The following RHPN2 variants were observed in gnomAD, a reference collection of about 807,000 sequenced individuals.
RHPN2 encodes the protein rhophilin Rho GTPase binding protein 2.
A neutral mutation model predicts 79.0 loss-of-function variants in RHPN2; 40 were observed. That is an observed-to-expected ratio of 0.51 (90% confidence interval 0.39 to 0.66). The LOEUF (loss-of-function observed/expected upper bound fraction) is 0.66. Ranked by LOEUF, RHPN2 falls within the 30% of genes least tolerant of loss-of-function variation. RHPN2 has a pLI of 0.00. For missense variants in RHPN2, 686 were observed against 883.5 expected, an observed-to-expected ratio of 0.78 and a Z score of 2.83; for synonymous variants, 285 against 363.5, an observed-to-expected ratio of 0.78 and a Z score of 2.46.
At chr19:33,022,455 G>A (rs536122864) in intron 3 of RHPN2, among the ~76,000 whole-genome samples, 2 of 152,144 alleles carry the variant, frequency 1.3e-5, no homozygotes, top group South Asian at 4.1e-4. Flanking sequence ...GGGTTCATAG[G>A]GGCCTCTTCT....
chr19:33,012,527 C>G (rs962171778), intron 5 of RHPN2, 120 bp downstream of exon 5: 3 of 772,258 alleles, frequency 3.9e-6, no homozygotes, highest in Non-Finnish European at 4.8e-6. Flanking sequence ...GATTCCAGCA[C>G]CCCCCAACCA....
intron 3 of RHPN2, among the ~76,000 whole-genome samples, chr19:33,025,535 T>G (rs6510328): frequency 6.6e-6 from 1 of 151,866 alleles, no homozygotes; most frequent in Non-Finnish European, 1.5e-5. Flanking sequence ...TTACTTTAAT[T>G]TGGATTTTTC....
intron 11 of RHPN2, among the ~76,000 whole-genome samples, chr19:32,995,105 C>G (rs1267350772): frequency 6.6e-6 from 1 of 152,106 alleles, no homozygotes; most frequent in African/African-American, 2.4e-5. Flanking sequence ...CAGGGTGTCG[C>G]TCTGTCGCCC....
chr19:33,058,037 A>G (rs1019855081), intron 1 of RHPN2, among the ~76,000 whole-genome samples: 2 of 152,036 alleles, frequency 1.3e-5, no homozygotes, highest in African/African-American at 4.8e-5. Flanking sequence ...GCGGGTGCCT[A>G]TAATCCCAGC....
intron 14 of RHPN2, among the ~76,000 whole-genome samples, chr19:32,989,521 T>G (rs569742614): frequency 6.6e-6 from 1 of 152,372 alleles, no homozygotes; most frequent in African/African-American, 2.4e-5. Flanking sequence ...ACAGAGGGAT[T>G]GTCTTAACTT....
At chr19:33,038,905 G>A (rs932831172) in intron 2 of RHPN2, among the ~76,000 whole-genome samples, 2 of 152,084 alleles carry the variant, frequency 1.3e-5, no homozygotes, top group Admixed American at 6.6e-5. Flanking sequence ...TGATTTGCCC[G>A]CTTCAGCCTC....
chr19:33,058,309 G>A (rs1972250771), intron 1 of RHPN2, among the ~76,000 whole-genome samples: 1 of 152,236 alleles, frequency 6.6e-6, no homozygotes, highest in African/African-American at 2.4e-5. Flanking sequence ...TCAGGGTCTG[G>A]AATGCCCCAG....
chr19:33,043,500 C>T (rs1458094618), intron 2 of RHPN2, among the ~76,000 whole-genome samples: 1 of 152,086 alleles, frequency 6.6e-6, no homozygotes, highest in Non-Finnish European at 1.5e-5. Context: ...TGCAGTGAGC[C>T]GAGATCACGC....
chr19:33,017,493 C>G (rs759658450), intron 4 of RHPN2, among the ~76,000 whole-genome samples: 17 of 152,034 alleles, frequency 1.1e-4, no homozygotes, highest in Non-Finnish European at 2.4e-4. Context: ...TGTTTTGAGT[C>G]CCACAGACCA....
chr19:33,036,830 C>T (rs1416277518), intron 2 of RHPN2, among the ~76,000 whole-genome samples: 3 of 151,670 alleles, frequency 2.0e-5, no homozygotes, highest in South Asian at 4.1e-4. Context: ...GCTGCCTTCC[C>T]GTGGGGCAGG....
At chr19:33,001,159 C>G (rs1394064690) in intron 9 of RHPN2, among the ~76,000 whole-genome samples, 2 of 152,162 alleles carry the variant, frequency 1.3e-5, no homozygotes, top group African/African-American at 4.8e-5. Flanking sequence ...CATGGAAGAG[C>G]TGAGATATGA....
intron 4 of RHPN2, among the ~76,000 whole-genome samples, chr19:33,013,448 G>C (rs1028238700): frequency 6.6e-6 from 1 of 151,412 alleles, no homozygotes; most frequent in African/African-American, 2.4e-5. Context: ...ATCTGCCTCA[G>C]CCTCCCAAAG....
chr19:32,983,629 C>CT (rs558224234), intron 14 of RHPN2, among the ~76,000 whole-genome samples: 2,424 of 126,910 alleles, frequency 0.019, 83 homozygotes, highest in African/African-American at 0.046. Context: ...TTTTAAAAGC[C>CT]TTTTTTTTTT....
chr19:32,994,043 C>A lies in RHPN2; in HGVS notation c.1431G>T (p.Glu477Asp). 6.2e-7 allele frequency: 1 copy of A among 1,611,318 alleles called. No individual in the cohort carries two copies. Among genetic ancestry groups the A allele is most frequent in the Admixed American group, 1.7e-5 (1 of 59,970 alleles). ...IDAPSVVAKT[E>D]QEVDIILPQF... ...GGGGCAATATAATGTCAACCTCTTG[C>A]TCAGTTTTAGCTAGAATAGAGGATT... Residue 477 changes from glutamate (E) to aspartate (D), a missense_variant, in exon 12 of 15, where the codon GAG becomes GAT. Physicochemically the swap from Glu to Asp is conservative, Grantham distance 45. Transcript: ENST00000254260.
intron 1 of RHPN2, among the ~76,000 whole-genome samples, chr19:33,057,965 G>A (rs1359124792): frequency 1.3e-5 from 2 of 152,070 alleles, no homozygotes; most frequent in Non-Finnish European, 2.9e-5. Flanking sequence ...TTCAGGACCA[G>A]CCTGGACAAC....
intron 1 of RHPN2, among the ~76,000 whole-genome samples, chr19:33,063,118 GC>G (rs1972295811): frequency 1.3e-5 from 2 of 152,148 alleles, no homozygotes; most frequent in South Asian, 2.1e-4. Context: ...AGGCCCCGGG[GC>G]CCGAGGACAG....
In RHPN2 at chr19:33,063,419, T is replaced by C. The variant is rs1203062951; in HGVS notation, c.69+1365A>G. Among the ~76,000 whole-genome samples, 3 of 152,204 alleles carry C rather than the reference T, an allele frequency of 2.0e-5. No individual in the cohort carries two copies. The East Asian group carries it at 5.8e-4, about 29-fold the overall frequency. On this transcript the variant is annotated intron_variant, in intron 1 of 14. Transcript: ENST00000254260. ...AGAAGGAGGAAGATGCCAAGACCAT[T>C]TAAGAACTGGATCCTAAGGCTTTGA...
chr19:33,025,326 A>AC (rs1031341303), intron 3 of RHPN2, among the ~76,000 whole-genome samples: 4 of 150,970 alleles, frequency 2.6e-5, no homozygotes, highest in South Asian at 2.1e-4. Flanking sequence ...AAAAAAAAAA[A>AC]AAACAATTAG....
chr19:32,999,604 G>C lies in RHPN2; in HGVS notation c.1207C>G (p.Gln403Glu), dbSNP rs201844789. Residue 403 changes from glutamine to glutamate, a missense_variant, in exon 10 of 15, where the codon CAG becomes GAG. Gln to Glu is a conservative substitution (Grantham distance 29). Transcript: ENST00000254260. ...CACGCACCCAGCTGTCGGCGCTGCT[G>C]ATCATTCTTCAGTGTGGCCAAGGGT... ...LTPLATLKND[Q>E]QRRQLGKSHL... 14 of 1,612,560 alleles carry C rather than the reference G, an allele frequency of 8.7e-6. No homozygotes were observed. The East Asian group carries it at 2.9e-4, about 33-fold the overall frequency.
Sources: gnomAD v4.1 joint callset for allele counts (sites outside exome capture counted in the v4.1 genomes callset) on GRCh38, gnomAD v4.1.1 for gene constraint, MANE v1.5 for transcripts, NCBI Gene and HGNC (gene_info 2026-07-23, HGNC 2026-07-21) for gene names.